Variants in PAK5 observed in about 807,000 individuals in gnomAD.
PAK5 encodes p21 (RAC1) activated kinase 5.
In PAK5, 16 loss-of-function variants were observed where a neutral mutation model predicts 65.9. The observed-to-expected ratio is 0.24, with a 90% CI of 0.16 to 0.37. The LOEUF is 0.37. Among genes scored for constraint, PAK5 ranks in the 10% least tolerant of loss-of-function variants. The pLI is 1.00. For synonymous variants in PAK5, 371 were observed against 354.9 expected, an observed-to-expected ratio of 1.05 and a Z score of -0.51; for missense variants, 785 against 903.9, an observed-to-expected ratio of 0.87 and a Z score of 1.69.
intron 1 of PAK5, among the ~76,000 whole-genome samples, chr20:9,787,619 A>ATGTG (rs3061911): frequency 0.018 from 2,676 of 146,606 alleles, 56 homozygotes; most frequent in African/African-American, 0.049. Context: ...TATGAAAAGG[A>ATGTG]TGTGTGTGTG....
intron 2 of PAK5, among the ~76,000 whole-genome samples, chr20:9,665,050 TA>T (rs1487959441): frequency 6.9e-6 from 1 of 144,922 alleles, no homozygotes; most frequent in Non-Finnish European, 1.5e-5. Context: ...GCTGGAACTA[TA>T]GGTGCACACC....
At chr20:9,700,059 G>C (rs553327554) in intron 2 of PAK5, among the ~76,000 whole-genome samples, 2 of 152,110 alleles carry the variant, frequency 1.3e-5, no homozygotes, top group East Asian at 1.9e-4. Context: ...TACATTTTTG[G>C]GGAGTCCAGC....
intron 2 of PAK5, among the ~76,000 whole-genome samples, chr20:9,704,843 C>T (rs1285254870): frequency 6.6e-6 from 1 of 152,116 alleles, no homozygotes; most frequent in African/African-American, 2.4e-5. Context: ...TGACACGCAA[C>T]ACCTCTAAAC....
intron 3 of PAK5, among the ~76,000 whole-genome samples, chr20:9,618,929 T>TTTTG (rs2046719245): frequency 9.4e-6 from 1 of 106,484 alleles, no homozygotes; most frequent in Non-Finnish European, 2.0e-5. Context: ...TTTTTTTTTT[T>TTTTG]TTTTTTTTTT....
At chr20:9,834,153 A>G (rs981815465) in intron 1 of PAK5, among the ~76,000 whole-genome samples, 10 of 152,254 alleles carry the variant, frequency 6.6e-5, no homozygotes, top group Admixed American at 5.2e-4. Context: ...TTACTTAAAC[A>G]TAGGCATTAA....
At chr20:9,557,309 TCTC>T (rs1441017106) in intron 7 of PAK5, among the ~76,000 whole-genome samples, 1 of 152,196 alleles carries the variant, frequency 6.6e-6, no homozygotes, top group South Asian at 2.1e-4. Flanking sequence ...AGTCAGCTCT[TCTC>T]CTCCAACAAA....
intron 6 of PAK5, among the ~76,000 whole-genome samples, chr20:9,560,169 G>A (rs995178304): frequency 1.1e-4 from 16 of 152,178 alleles, no homozygotes; most frequent in African/African-American, 2.7e-4. Flanking sequence ...ACTGGAACAC[G>A]TGACAAATAC....
chr20:9,663,426 CCT>C (rs954709315), intron 2 of PAK5, among the ~76,000 whole-genome samples: 2 of 151,942 alleles, frequency 1.3e-5, no homozygotes, highest in African/African-American at 4.8e-5. Context: ...TTGTCATTTC[CCT>C]CTCTCTGTTA....
At chr20:9,804,459 A>G (rs1375897366) in intron 1 of PAK5, among the ~76,000 whole-genome samples, 1 of 152,186 alleles carries the variant, frequency 6.6e-6, no homozygotes, top group Non-Finnish European at 1.5e-5. Context: ...AGGACAATAC[A>G]TGGGAAAAAA....
chr20:9,632,184 T>C (rs1347611556), intron 3 of PAK5, among the ~76,000 whole-genome samples: 3 of 152,194 alleles, frequency 2.0e-5, no homozygotes, highest in Non-Finnish European at 4.4e-5. Flanking sequence ...TTTCACATTA[T>C]ATAGAATTTC....
intron 3 of PAK5, among the ~76,000 whole-genome samples, chr20:9,584,723 T>C (rs2046039035): frequency 6.6e-6 from 1 of 152,256 alleles, no homozygotes; most frequent in African/African-American, 2.4e-5. Context: ...CAATAATGTC[T>C]TGCACTGTTT....
At chr20:9,749,807 G>A (rs954036031) in intron 1 of PAK5, among the ~76,000 whole-genome samples, 2 of 152,098 alleles carry the variant, frequency 1.3e-5, no homozygotes, top group African/African-American at 4.8e-5. Context: ...GCATCAGCTG[G>A]ACTACAGTTT....
intron 3 of PAK5, among the ~76,000 whole-genome samples, chr20:9,581,204 T>C (rs1015363076): frequency 6.6e-6 from 1 of 152,192 alleles, no homozygotes; most frequent in Non-Finnish European, 1.5e-5. Context: ...ACATAGAATA[T>C]AACTGTTTTA....
At chr20:9,542,754 A>AGG (rs1422083504) in intron 8 of PAK5, 34 bp from the exon 9 acceptor site, 1 of 1,602,910 alleles carries the variant, frequency 6.2e-7, no homozygotes. Context: ...ATCTCAGGCA[A>AGG]GGAGAACATT....
intron 7 of PAK5, among the ~76,000 whole-genome samples, chr20:9,544,786 C>T (rs1386845037): frequency 1.3e-5 from 2 of 152,120 alleles, no homozygotes; most frequent in Non-Finnish European, 2.9e-5. Flanking sequence ...AAATTAAATA[C>T]ACCACAAACA....
At chr20:9,550,226 G>C (rs1297894766) in intron 7 of PAK5, among the ~76,000 whole-genome samples, 2 of 152,140 alleles carry the variant, frequency 1.3e-5, no homozygotes, top group African/African-American at 4.8e-5. Context: ...CTGTGATTGG[G>C]ACAAGGAGGC....
chr20:9,675,545 G>T (rs1018071111), intron 2 of PAK5, among the ~76,000 whole-genome samples: 3 of 151,994 alleles, frequency 2.0e-5, no homozygotes, highest in African/African-American at 7.2e-5. Context: ...GTCTCTCTCT[G>T]TTGCCCAGGT....
chr20:9,672,761 A>G (rs1167576143), intron 2 of PAK5, among the ~76,000 whole-genome samples: 1 of 152,202 alleles, frequency 6.6e-6, no homozygotes, highest in Non-Finnish European at 1.5e-5. Context: ...TATCTGTTCA[A>G]TCTCAGAATT....
At chr20:9,735,537 G>A (rs956760634) in intron 1 of PAK5, among the ~76,000 whole-genome samples, 1 of 152,134 alleles carries the variant, frequency 6.6e-6, no homozygotes, top group Non-Finnish European at 1.5e-5. Flanking sequence ...GTTAGGTAAA[G>A]TACTCAGGAA....
Sources: allele counts gnomAD v4.1 joint callset (sites outside exome capture counted in the v4.1 genomes callset), GRCh38; gene constraint gnomAD v4.1.1; transcripts MANE v1.5; gene names NCBI Gene and HGNC (gene_info 2026-07-23, HGNC 2026-07-21).